The following STX6 variants were observed in gnomAD, a reference collection of about 807,000 sequenced individuals.
The protein encoded by STX6 is syntaxin-6.
In STX6, 23 loss-of-function variants were observed where a neutral mutation model predicts 38.0. The observed-to-expected ratio is 0.60, with a 90% CI of 0.43 to 0.86. STX6 has a LOEUF of 0.86. Among genes scored for constraint, STX6 ranks in the 40% least tolerant of loss-of-function variants. The pLI is 0.00. For missense variants in STX6, 274 were observed against 312.9 expected (o/e 0.88, Z 0.94); for synonymous variants, 123 against 107.5 (o/e 1.14, Z -0.89).
chr1:181,018,647 C>G (rs1443899797), intron 1 of STX6, among the ~76,000 whole-genome samples: 1 of 151,978 alleles, frequency 6.6e-6, no homozygotes, highest in African/African-American at 2.4e-5. Context: ...GGATTCTGTT[C>G]CGAACAGGAC....
chr1:180,976,267 T>G lies in STX6; in HGVS notation c.*303A>C. ...ACCAGTGGAGTCTGTAAGTCCCTCC[T>G]CAGCAAACGAGGTCCCGGAAGGCAA... On this transcript the variant is annotated 3_prime_UTR_variant, in exon 8 of 8. Coordinates refer to ENST00000258301, the MANE Select transcript of STX6 (RefSeq NM_005819.6). 2.7e-6 allele frequency: 1 copy of G among 371,148 alleles called. No individual in the cohort carries two copies. The highest frequency in any genetic ancestry group is 5.1e-6 in the Non-Finnish European group (1 of 194,270). 23.0% of individuals were successfully genotyped at this position (371,148 alleles called of 1,614,324 possible). A position where few individuals can be genotyped will look rare whatever the true frequency, so the allele number is the denominator to read the frequency against.
At chr1:181,005,618 C>T (rs1656202146) in intron 1 of STX6, among the ~76,000 whole-genome samples, 155 bp from the exon 2 acceptor site, 1 of 152,214 alleles carries the variant, frequency 6.6e-6, no homozygotes. Context: ...AAGTTCAAAA[C>T]TTTGATACAC....
intron 3 of STX6, among the ~76,000 whole-genome samples, chr1:180,998,408 A>C (rs141622904): frequency 9.9e-5 from 15 of 151,152 alleles, no homozygotes; most frequent in African/African-American, 3.6e-4. Context: ...TCTTTTGAGG[A>C]GTCTCACTCT....
chr1:180,990,398 TG>T (rs896408676), intron 4 of STX6, among the ~76,000 whole-genome samples: 6 of 152,150 alleles, frequency 3.9e-5, no homozygotes, highest in Non-Finnish European at 8.8e-5. Flanking sequence ...CTATATACTG[TG>T]TTATAATTGA....
At chr1:181,007,258 T>C (rs1038754938) in intron 1 of STX6, among the ~76,000 whole-genome samples, 1 of 152,080 alleles carries the variant, frequency 6.6e-6, no homozygotes, top group Non-Finnish European at 1.5e-5. Context: ...CTCTAGATTA[T>C]TTATAATACC....
At position 181,008,727 on chromosome 1, in the gene STX6, GTTTTTTTTT is replaced by G. The variant is rs55654509; in HGVS notation, c.36-3273_36-3265del. ...TAGTTGATATAAGCTTTCCAAAATTGTTTTTTTTTTTTTTTTTTTTTTAAACAAAAGGCT... is the reference window on the plus strand; with the variant it reads ...TAGTTGATATAAGCTTTCCAAAATTGTTTTTTTTTTTTTAAACAAAAGGCT... On this transcript the variant is annotated intron_variant, in intron 1 of 7. Coordinates refer to ENST00000258301, the MANE Select transcript of STX6 (RefSeq NM_005819.6). Among the ~76,000 whole-genome samples, 4 of 108,728 alleles carry G rather than the reference GTTTTTTTTT, an allele frequency of 3.7e-5. No homozygotes were observed. The South Asian group carries it at 9.6e-4, about 26-fold the overall frequency. The allele number at this position is 108,728 out of a possible 152,430, so 71.3% of individuals were successfully genotyped here.
chr1:180,993,175 G>C (rs1435907690), intron 4 of STX6, among the ~76,000 whole-genome samples, 188 bp downstream of exon 4: 9 of 152,086 alleles, frequency 5.9e-5, no homozygotes, highest in Admixed American at 6.6e-5. Flanking sequence ...AGGAGGGGAG[G>C]GAAATGTTGA....
chr1:181,005,735 G>T (rs537547945), intron 1 of STX6, among the ~76,000 whole-genome samples: 9 of 152,264 alleles, frequency 5.9e-5, no homozygotes, highest in Non-Finnish European at 1.2e-4. Context: ...ATTTTTCTCT[G>T]AACAGACTAT....
At position 181,005,121 on chromosome 1, in the gene STX6, C is replaced by T. The variant is rs989871825; in HGVS notation, c.205+173G>A. 3.2e-5 allele frequency: 25 copies of T among 777,716 alleles called. No individual in the cohort carries two copies. The Admixed American group carries it at 1.5e-3, about 47-fold the overall frequency. The allele number at this position is 777,716 out of a possible 1,614,324, so 48.2% of individuals were successfully genotyped here. A position where few individuals can be genotyped will look rare whatever the true frequency, so the allele number is the denominator to read the frequency against. On this transcript the variant is annotated intron_variant, in intron 2 of 7. Coordinates refer to ENST00000258301, the MANE Select transcript of STX6 (RefSeq NM_005819.6). ...TGTCACACACTGTATAAGAATTTGG[C>T]TACTGTACCTTAAGTTACTGGGCAA...
At chr1:181,022,575 T>C (rs1656771678) in intron 1 of STX6, 64 bp downstream of exon 1, 3 of 1,535,480 alleles carry the variant, frequency 2.0e-6, no homozygotes, top group African/African-American at 1.4e-5. Context: ...CGAGAAGACC[T>C]AGGAGGTGCG....
rs541453227 is a variant in STX6 at position 180,983,922 on chromosome 1, G to A, written c.691+755C>T. Among the ~76,000 whole-genome samples the A allele has an allele frequency of 3.3e-5, 5 of 151,914 alleles. No homozygotes were observed. In the South Asian group the frequency reaches 1.0e-3, roughly 32 times the overall value. ...TACTAAAAATACAAAAAATTAGCTG[G>A]GCATGGTGGCGGGCGCCTGTAGTCC... On this transcript the variant is annotated intron_variant, in intron 7 of 7. Transcript: ENST00000258301.
chr1:181,022,560 C>G (rs117534843), intron 1 of STX6, 79 bp downstream of exon 1: 8 of 1,465,426 alleles, frequency 5.5e-6, no homozygotes, highest in African/African-American at 4.2e-5. Flanking sequence ...CCCCTCCCCC[C>G]ACTGCGAGAA....
chr1:181,006,861 G>C (rs1446853369), intron 1 of STX6, among the ~76,000 whole-genome samples: 1 of 152,216 alleles, frequency 6.6e-6, no homozygotes, highest in Non-Finnish European at 1.5e-5. Flanking sequence ...CTAGGTGCAG[G>C]CTGAGTAAAT....
At chr1:180,994,594 C>A (rs113384356) in intron 3 of STX6, among the ~76,000 whole-genome samples, 2 of 152,118 alleles carry the variant, frequency 1.3e-5, no homozygotes, top group Non-Finnish European at 2.9e-5. Flanking sequence ...CATGTTCTCA[C>A]TCATAAGTGG....
rs869224878 is a variant in STX6 at position 180,980,572 on chromosome 1, T to TTG, written c.692-3927_692-3926insCA. On this transcript the variant is annotated intron_variant, in intron 7 of 7. Coordinates refer to ENST00000258301, the MANE Select transcript of STX6 (RefSeq NM_005819.6). ...TTTTTTTTTTTTTTTTTTTTTTTTTTGAGACAGAGTCTCCCTCTGTCACCC... is the reference window on the plus strand; with the variant it reads ...TTTTTTTTTTTTTTTTTTTTTTTTTTTGGAGACAGAGTCTCCCTCTGTCACCC... 2 of 141,146 alleles carry TTG rather than the reference T, an allele frequency of 1.4e-5. 1 individual carries two copies. Among genetic ancestry groups the TTG allele is most frequent in the South Asian group, 4.6e-4 (2 of 4,338 alleles). The allele number at this position is 141,146 out of a possible 1,614,324, so 8.7% of individuals were successfully genotyped here. A position where few individuals can be genotyped will look rare whatever the true frequency, so the allele number is the denominator to read the frequency against.
chr1:180,979,623 T>G (rs1303306471), intron 7 of STX6, among the ~76,000 whole-genome samples: 1 of 152,220 alleles, frequency 6.6e-6, no homozygotes, highest in Non-Finnish European at 1.5e-5. Context: ...CTAGATGACC[T>G]TGGGTATGGC....
chr1:180,997,827 T>G (rs927180604), intron 3 of STX6, among the ~76,000 whole-genome samples: 4 of 152,242 alleles, frequency 2.6e-5, no homozygotes, highest in Admixed American at 2.6e-4. Context: ...CACTGCTTTT[T>G]AAAAGTTTGC....
chr1:181,018,693 A>C (rs1244005336), intron 1 of STX6, among the ~76,000 whole-genome samples: 1 of 152,152 alleles, frequency 6.6e-6, no homozygotes, highest in Non-Finnish European at 1.5e-5. Flanking sequence ...AGGAGCTTCA[A>C]ACTTCCAAGC....
intron 1 of STX6, among the ~76,000 whole-genome samples, chr1:181,012,463 C>A (rs529152424): frequency 3.3e-5 from 5 of 152,222 alleles, no homozygotes; most frequent in East Asian, 3.9e-4. Context: ...AATCATGGAA[C>A]CTGTCATCTT....
Sources: allele counts gnomAD v4.1 joint callset (sites outside exome capture counted in the v4.1 genomes callset), GRCh38; gene constraint gnomAD v4.1.1; transcripts MANE v1.5; gene names NCBI Gene and HGNC (gene_info 2026-07-23, HGNC 2026-07-21).